The following DNAJC11 variants were observed in gnomAD, a reference collection of about 807,000 sequenced individuals.
DNAJC11 encodes the protein DnaJ heat shock protein family (Hsp40) member C11, also known as dnaJ homolog subfamily C member 11.
DNAJC11 carries 15 observed loss-of-function variants against 78.6 expected under a neutral mutation model. That is an observed-to-expected ratio of 0.19 (90% CI 0.13 to 0.29). The LOEUF (loss-of-function observed/expected upper bound fraction) is 0.29, where lower values mean the gene tolerates loss of function less well. Among genes scored for constraint, DNAJC11 ranks in the 10% least tolerant of loss-of-function variants. The pLI, the probability that DNAJC11 is intolerant of heterozygous loss-of-function variation, is 1.00. For synonymous variants in DNAJC11, 292 were observed against 272.1 expected, an observed-to-expected ratio of 1.07 and a Z score of -0.72; for missense variants, 547 against 709.6, an observed-to-expected ratio of 0.77 and a Z score of 2.60.
At chr1:6,701,072 G>A (rs1006036262) in intron 1 of DNAJC11, among the ~76,000 whole-genome samples, 32 of 152,158 alleles carry the variant, frequency 2.1e-4, no homozygotes, top group Admixed American at 6.5e-4. Context: ...GCTGTTGTTA[G>A]GGCACCACTT....
chr1:6,694,959 A>C (rs993752264), intron 1 of DNAJC11, among the ~76,000 whole-genome samples: 4 of 142,018 alleles, frequency 2.8e-5, no homozygotes, highest in African/African-American at 7.9e-5. Context: ...TGGGCAACAA[A>C]GCGAGACTCC....
intron 1 of DNAJC11, among the ~76,000 whole-genome samples, chr1:6,688,243 G>A (rs1274841994): frequency 1.3e-5 from 2 of 152,200 alleles, no homozygotes; most frequent in Admixed American, 6.5e-5. Flanking sequence ...GGAGCCTGAG[G>A]ATAAAGGCAT....
At chr1:6,641,263 G>A (rs982956160) in intron 10 of DNAJC11, among the ~76,000 whole-genome samples, 1 of 151,558 alleles carries the variant, frequency 6.6e-6, no homozygotes, top group Non-Finnish European at 1.5e-5. Context: ...GTGGGCGCCT[G>A]TAATCCCAGC....
chr1:6,694,809 C>CA (rs754185823), intron 1 of DNAJC11, among the ~76,000 whole-genome samples: 1,195 of 114,094 alleles, frequency 0.01, 11 homozygotes, highest in African/African-American at 0.025. Context: ...ACTAAAAATA[C>CA]AAAAAAAAAA....
At position 6,635,343 on chromosome 1, in the gene DNAJC11, A is replaced by G. The variant is rs1641741768; in HGVS notation, c.*332T>C. 7.8e-6 allele frequency: 2 copies of G among 257,030 alleles called. No individual in the cohort carries two copies. The highest frequency in any genetic ancestry group is 9.7e-5 in the Admixed American group (2 of 20,670). The allele number at this position is 257,030 out of a possible 1,614,324, so 15.9% of individuals were successfully genotyped here. ...CCACAGACACCTCCAGACCCAGCCA[A>G]GAACTACAGGGCGGCGGGCTGCGGT... On this transcript the variant is annotated 3_prime_UTR_variant, in exon 16 of 16. Transcript: ENST00000377577.
intron 15 of DNAJC11, 152 bp from the exon 16 acceptor site, chr1:6,635,852 G>A (rs1434294613): frequency 9.8e-6 from 10 of 1,023,758 alleles, no homozygotes; most frequent in Admixed American, 2.6e-5. Flanking sequence ...CTGCTGGAAC[G>A]TAGAGGTCTG....
intron 7 of DNAJC11, among the ~76,000 whole-genome samples, chr1:6,647,432 T>C (rs1357183846): frequency 6.6e-6 from 1 of 152,094 alleles, no homozygotes; most frequent in Admixed American, 6.5e-5. Context: ...CGTAACTCCA[T>C]CGTAAATCAA....
intron 3 of DNAJC11, among the ~76,000 whole-genome samples, chr1:6,678,053 C>T (rs1642497765): frequency 6.6e-6 from 1 of 152,184 alleles, no homozygotes; most frequent in South Asian, 2.1e-4. Flanking sequence ...GACAGAACTG[C>T]ACCCTTGAAG....
At chr1:6,646,020 G>T in intron 7 of DNAJC11, 42 bp from the exon 8 acceptor site, 2 of 1,581,520 alleles carry the variant, frequency 1.3e-6, no homozygotes. Context: ...GATAGCACCT[G>T]CTCTCAGCTG....
intron 7 of DNAJC11, among the ~76,000 whole-genome samples, chr1:6,646,745 T>G (rs906809402): frequency 1.3e-5 from 2 of 152,148 alleles, no homozygotes; most frequent in African/African-American, 2.4e-5. Flanking sequence ...AAATTCACAC[T>G]TCATTCAAGG....
chr1:6,660,933 T>G (rs920851028), intron 4 of DNAJC11, among the ~76,000 whole-genome samples: 2 of 152,246 alleles, frequency 1.3e-5, no homozygotes, highest in African/African-American at 4.8e-5. Context: ...TTGTACTCGT[T>G]GAGTAGAATC....
Position 6,634,729 on chromosome 1 carries a change from C to T in DNAJC11, c.*946G>A. On this transcript the variant is annotated 3_prime_UTR_variant, in exon 16 of 16. Transcript: ENST00000377577. ...CTGAAGGAAGGCTCCGGAGCACAGG[C>T]CCTGGTGTTCCTGTGAGGACGCTGG... The T allele has an allele frequency of 7.4e-7, 1 of 1,359,102 alleles. No individual in the cohort carries two copies. Among genetic ancestry groups the T allele is most frequent in the Non-Finnish European group, 9.8e-7 (1 of 1,018,374 alleles). 84.2% of individuals were successfully genotyped at this position (1,359,102 alleles called of 1,614,324 possible).
intron 4 of DNAJC11, among the ~76,000 whole-genome samples, chr1:6,659,471 A>C (rs1388754107): frequency 6.6e-6 from 1 of 152,168 alleles, no homozygotes; most frequent in Non-Finnish European, 1.5e-5. Context: ...CTCTAATTAA[A>C]ACTGCAGGCT....
intron 2 of DNAJC11, among the ~76,000 whole-genome samples, chr1:6,679,433 A>G (rs1642521777): frequency 6.6e-6 from 1 of 152,208 alleles, no homozygotes; most frequent in African/African-American, 2.4e-5. Context: ...CAACTGAACG[A>G]TATCCCAACT....
At chr1:6,692,692 C>T (rs1204125383) in intron 1 of DNAJC11, among the ~76,000 whole-genome samples, 5 of 149,528 alleles carry the variant, frequency 3.3e-5, no homozygotes, top group Admixed American at 1.3e-4. Flanking sequence ...CTCACTGCAG[C>T]CTCTGCCTCC....
At chr1:6,646,980 C>T (rs942298721) in intron 7 of DNAJC11, among the ~76,000 whole-genome samples, 2 of 151,870 alleles carry the variant, frequency 1.3e-5, no homozygotes, top group Non-Finnish European at 2.9e-5. Flanking sequence ...CATGACAAAA[C>T]CCCCATCTCT....
intron 1 of DNAJC11, among the ~76,000 whole-genome samples, chr1:6,700,356 G>C (rs893329150): frequency 6.6e-6 from 1 of 152,146 alleles, no homozygotes; most frequent in East Asian, 1.9e-4. Flanking sequence ...GATTAAAAAG[G>C]TTTATTGCTC....
intron 7 of DNAJC11, among the ~76,000 whole-genome samples, chr1:6,646,949 G>A (rs943995086): frequency 6.6e-5 from 10 of 151,900 alleles, no homozygotes; most frequent in Non-Finnish European, 1.3e-4. Context: ...CACCCCAGGA[G>A]TTCAAGGACA....
intron 4 of DNAJC11, among the ~76,000 whole-genome samples, chr1:6,664,749 CACAGTAGTCAGG>C (rs2148739384): frequency 6.6e-6 from 1 of 152,294 alleles, no homozygotes; most frequent in African/African-American, 2.4e-5. Flanking sequence ...CACAACTTGG[CACAGTAGTCAGG>C]ACAGACGTCC....
Sources: gnomAD v4.1 joint callset for allele counts (sites outside exome capture counted in the v4.1 genomes callset) on GRCh38, gnomAD v4.1.1 for gene constraint, MANE v1.5 for transcripts, NCBI Gene and HGNC (gene_info 2026-07-23, HGNC 2026-07-21) for gene names.